CORO7: variants seen among roughly 807,000 people sequenced by gnomAD.
CORO7 encodes the protein coronin 7.
Under a neutral mutation model 126.6 loss-of-function variants are expected in CORO7, and 107 were observed. The ratio of observed to expected loss-of-function variants is 0.85; its 90% CI spans 0.72 to 0.99. The LOEUF (loss-of-function observed/expected upper bound fraction) is 0.99. Ranked by LOEUF, CORO7 falls within the 50% of genes least tolerant of loss-of-function variation. The pLI, the probability that CORO7 is intolerant of heterozygous loss-of-function variation, is 0.00. For synonymous variants in CORO7, 603 were observed against 536.8 expected (o/e 1.12, Z -1.70); for missense variants, 1,314 against 1,255.8 (o/e 1.05, Z -0.70).
chr16:4,369,607 G>C (rs369837330), intron 9 of CORO7, among the ~76,000 whole-genome samples: 1 of 152,112 alleles, frequency 6.6e-6, no homozygotes, highest in Non-Finnish European at 1.5e-5. Context: ...GATAAGCCCC[G>C]CCAGCTCTCC....
intron 1 of CORO7, chr16:4,415,986 C>G: frequency 3.0e-6 from 2 of 661,846 alleles, no homozygotes; most frequent in Non-Finnish European, 3.7e-6. Context: ...CTCCCCACCA[C>G]TGACACACTT....
Position 4,362,674 on chromosome 16 carries a change from G to A in CORO7, c.1340C>T (p.Ser447Leu). ...SPSTPSSLGP[S>L]LSSTSGIGTS... Reference sequence around the variant, plus strand: ...CCCGATGCCACTGGTGCTGGAGAGTGAGGGCCCCAGGCTGGAGGGCGTGGA... The same window carrying A: ...CCCGATGCCACTGGTGCTGGAGAGTAAGGGCCCCAGGCTGGAGGGCGTGGA... The change falls in exon 15 of 28, where the codon TCA becomes TTA. Residue 447 changes from serine to leucine, a missense_variant. By Grantham distance (145) the Ser-to-Leu change is moderately radical (BLOSUM62 -2). Transcript: ENST00000251166. This position sits in a 1 kb window ranked among gnomAD's most constrained non-coding sequence, Gnocchi z 5.3. 6.6e-7 allele frequency: 1 copy of A among 1,510,532 alleles called. No individual in the cohort carries two copies. The highest frequency in any genetic ancestry group is 1.3e-5 in the South Asian group (1 of 76,956). The allele number at this position is 1,510,532 out of a possible 1,614,324, so 93.6% of individuals were successfully genotyped here. A position where few individuals can be genotyped will look rare whatever the true frequency, so the allele number is the denominator to read the frequency against.
intron 25 of CORO7, 159 bp from the exon 26 acceptor site, chr16:4,357,418 T>C: frequency 1.3e-6 from 1 of 775,110 alleles, no homozygotes; most frequent in Non-Finnish European, 2.0e-6. Flanking sequence ...AGTGCAATGA[T>C]GTGACCTAGG....
intron 9 of CORO7, among the ~76,000 whole-genome samples, chr16:4,379,555 C>T (rs2054876527): frequency 6.6e-6 from 1 of 152,150 alleles, no homozygotes; most frequent in South Asian, 2.1e-4. Flanking sequence ...CGAGTCCCTG[C>T]ACCTCCATGA....
At chr16:4,412,780 A>G (rs1045611568) in intron 2 of CORO7, 1 of 331,690 alleles carries the variant, frequency 3.0e-6, no homozygotes, top group African/African-American at 2.1e-5. Flanking sequence ...AAGGTGGCAG[A>G]GCTGAGAGAC....
At chr16:4,379,478 G>A (rs2054874239) in intron 9 of CORO7, among the ~76,000 whole-genome samples, 1 of 152,118 alleles carries the variant, frequency 6.6e-6, no homozygotes, top group African/African-American at 2.4e-5. Flanking sequence ...TGGAGGGCAC[G>A]CACCCTTCAC....
chr16:4,392,840 C>T (rs546785394), intron 7 of CORO7, among the ~76,000 whole-genome samples: 7 of 152,282 alleles, frequency 4.6e-5, no homozygotes, highest in Non-Finnish European at 5.9e-5. Flanking sequence ...CTGCTGCCCC[C>T]GCACCAGGGC....
chr16:4,407,414 T>C (rs1259271344), intron 5 of CORO7, 87 bp downstream of exon 5: 6 of 1,459,438 alleles, frequency 4.1e-6, no homozygotes, highest in African/African-American at 1.4e-5. Flanking sequence ...TGTTTTTAAA[T>C]TTATGTGACT....
chr16:4,378,871 G>C (rs555346023), intron 9 of CORO7, among the ~76,000 whole-genome samples: 1 of 152,052 alleles, frequency 6.6e-6, no homozygotes, highest in Non-Finnish European at 1.5e-5. Flanking sequence ...GCTTGTTGTC[G>C]CTAACTGGCT....
At chr16:4,406,220 G>A (rs893997377) in intron 5 of CORO7, among the ~76,000 whole-genome samples, 2 of 152,078 alleles carry the variant, frequency 1.3e-5, no homozygotes, top group Non-Finnish European at 2.9e-5. Context: ...GGCTGGTCTC[G>A]AACTCCTAAC....
At chr16:4,387,108 T>C (rs532606119) in intron 9 of CORO7, among the ~76,000 whole-genome samples, 5 of 152,252 alleles carry the variant, frequency 3.3e-5, no homozygotes, top group South Asian at 2.1e-4. Flanking sequence ...TAAGTCACGG[T>C]TGAAGTTTCA....
chr16:4,366,211 G>C (rs375989924), intron 9 of CORO7, among the ~76,000 whole-genome samples: 7 of 152,220 alleles, frequency 4.6e-5, no homozygotes, highest in Admixed American at 3.3e-4. Context: ...CCCCGGCCGA[G>C]CCTGCCAGCA....
At position 4,364,629 on chromosome 16, in the gene CORO7, G is replaced by A. The variant is rs1399580294; in HGVS notation, c.1105C>T (p.Pro369Ser). Residue 369 changes from proline to serine, a missense_variant, in exon 13 of 28, where the codon CCC becomes TCC. Coordinates refer to ENST00000251166, the MANE Select transcript of CORO7 (RefSeq NM_024535.5). ...DTAGCVPATD[P>S]HSWWAGDNQQ... ...TTGTCCCCAGCCCACCAGCTATGGG[G>A]GTCGGTGGCAGGCACACAGCCGGCA... is the stretch of plus-strand genomic sequence containing the variant. 3 of 1,572,436 alleles carry A rather than the reference G, an allele frequency of 1.9e-6. No individual in the cohort carries two copies. Among genetic ancestry groups the A allele is most frequent in the African/African-American group, 1.3e-5 (1 of 74,326 alleles).
At chr16:4,371,782 CCCCGCCCCTGCCGCGGCGGG>C (rs991541440) in intron 9 of CORO7, 5 of 152,160 alleles carry the variant, frequency 3.3e-5, no homozygotes, top group African/African-American at 1.2e-4. Flanking sequence ...TGGGGAGAGG[CCCCGCCCCTGCCGCGGCGGG>C]CCCGCCCCCC....
At chr16:4,401,808 C>T (rs1017430283) in intron 6 of CORO7, among the ~76,000 whole-genome samples, 5 of 152,102 alleles carry the variant, frequency 3.3e-5, no homozygotes, top group African/African-American at 1.2e-4. Flanking sequence ...GCTCCTGCCC[C>T]ACAGAGGTGC....
chr16:4,412,252 C>T (rs1375341922), intron 3 of CORO7, 104 bp downstream of exon 3: 18 of 1,282,026 alleles, frequency 1.4e-5, no homozygotes, highest in South Asian at 1.0e-4. Context: ...ACAGGAGGGA[C>T]CTGGCAAGCC....
At chr16:4,416,204 G>A (rs1166687047) in intron 1 of CORO7, among the ~76,000 whole-genome samples, 2 of 152,262 alleles carry the variant, frequency 1.3e-5, no homozygotes, top group East Asian at 3.9e-4. Flanking sequence ...GGGGTCCCGG[G>A]GCGAGGTGGG....
rs944568718 is a variant in CORO7, at chr16:4,412,529, G to T, written c.158-99C>A. ...GATGAAATCCAGCAGCTCAGCCTCG[G>T]ACCTTCCCAGAGCCTCTACCAATCA... On this transcript the variant is annotated intron_variant, in intron 2 of 27. Coordinates refer to ENST00000251166, the MANE Select transcript of CORO7 (RefSeq NM_024535.5). 2.3e-5 allele frequency: 28 copies of T among 1,238,160 alleles called. No individual in the cohort carries two copies. In the Admixed American group the frequency reaches 5.1e-4, roughly 23 times the overall value. 76.7% of individuals were successfully genotyped at this position (1,238,160 alleles called of 1,614,324 possible). A position where few individuals can be genotyped will look rare whatever the true frequency, so the allele number is the denominator to read the frequency against.
chr16:4,401,998 G>A (rs188386136), intron 6 of CORO7, among the ~76,000 whole-genome samples: 1 of 151,882 alleles, frequency 6.6e-6, no homozygotes, highest in East Asian at 1.9e-4. Flanking sequence ...GAGTGCAATG[G>A]TGTGATCTCG....
Sources: gnomAD v4.1 joint callset for allele counts (sites outside exome capture counted in the v4.1 genomes callset) on GRCh38, gnomAD v4.1.1 for gene constraint, Gnocchi (gnomAD v3.1) non-coding constraint, MANE v1.5 for transcripts, NCBI Gene and HGNC (gene_info 2026-07-23, HGNC 2026-07-21) for gene names.